The following FAS variants were observed in gnomAD, a reference collection of about 807,000 sequenced individuals.
FAS encodes tumor necrosis factor receptor superfamily member 6.
A neutral mutation model predicts 33.2 loss-of-function variants in FAS; 5 were observed. The ratio of observed to expected loss-of-function variants is 0.15; its 90% CI spans 0.08 to 0.32. The LOEUF (loss-of-function observed/expected upper bound fraction) is 0.32. Among genes scored for constraint, FAS ranks in the 10% least tolerant of loss-of-function variants. FAS has a pLI of 1.00. For synonymous variants in FAS, 131 were observed against 130.7 expected (o/e 1.00, Z -0.01); for missense variants, 339 against 386.0 (o/e 0.88, Z 1.02).
chr10:88,997,213 A>C (rs1271788502), intron 1 of FAS, among the ~76,000 whole-genome samples: 3 of 152,188 alleles, frequency 2.0e-5, no homozygotes, highest in African/African-American at 4.8e-5. Context: ...CCCCATTCTC[A>C]GAGATCCTGA....
chr10:88,986,261 C>T (rs1846879523), upstream of FAS, among the ~76,000 whole-genome samples: 1 of 152,076 alleles, frequency 6.6e-6, no homozygotes, highest in Admixed American at 6.6e-5. Flanking sequence ...TCTTAACACC[C>T]AGGGGGTAGG....
At chr10:88,978,426 AT>A (rs1162694275) in intron 2 of FAS, among the ~76,000 whole-genome samples, 3 of 152,164 alleles carry the variant, frequency 2.0e-5, no homozygotes, top group Admixed American at 2.0e-4. Flanking sequence ...AATAAATAAA[AT>A]TTAAGATAAG....
In FAS at chr10:88,964,133, T is replaced by C. The variant is rs115636989; in HGVS notation, n.95-9049T>C. ...GTTTCATATATTTACTTTAGTTTAA[T>C]ATATTTTAGTTTAGTTTCACATATT... On this transcript the variant is annotated intron_variant and non_coding_transcript_variant, in intron 1 of 3. Coordinates refer to the FAS transcript ENST00000688239. 7.0e-3 allele frequency among the ~76,000 whole-genome samples: 1,072 copies of C among 152,240 alleles called. 8 individuals carry two copies. Among genetic ancestry groups the C allele is most frequent in the Middle Eastern group, 0.024 (7 of 294 alleles).
chr10:89,000,972 G>C (rs138920603), intron 1 of FAS, among the ~76,000 whole-genome samples: 2 of 152,216 alleles, frequency 1.3e-5, no homozygotes, highest in Non-Finnish European at 2.9e-5. Context: ...CTTGAATGCC[G>C]GAGGCAGAGG....
intron 1 of FAS, among the ~76,000 whole-genome samples, chr10:89,000,098 T>C (rs1171391847): frequency 2.0e-5 from 3 of 152,210 alleles, no homozygotes; most frequent in Non-Finnish European, 4.4e-5. Flanking sequence ...TATTTAGTCC[T>C]AGAGGACCAA....
In FAS at chr10:89,007,697, C is replaced by T; in HGVS notation, c.197-3C>T. 6.2e-7 allele frequency: 1 copy of T among 1,613,434 alleles called. No homozygotes were observed. The highest frequency in any genetic ancestry group is 8.5e-7 in the Non-Finnish European group (1 of 1,179,736). Reference sequence around the variant, plus strand: ...AACACTTGCTCCTTTTTTCCTTGGGCAGGTGAAAGGAAAGCTAGGGACTGC... The same window carrying T: ...AACACTTGCTCCTTTTTTCCTTGGGTAGGTGAAAGGAAAGCTAGGGACTGC... On this transcript the variant is annotated splice_region_variant and splice_polypyrimidine_tract_variant and intron_variant, in intron 2 of 8. Coordinates refer to ENST00000652046, the MANE Select transcript of FAS (RefSeq NM_000043.6).
chr10:88,980,584 C>T (rs562142842), intron 2 of FAS, among the ~76,000 whole-genome samples: 1 of 152,134 alleles, frequency 6.6e-6, no homozygotes, highest in African/African-American at 2.4e-5. Context: ...TTCCCTGAGG[C>T]CTAACACAGT....
chr10:88,987,585 C>T (rs1846941021), upstream of FAS, among the ~76,000 whole-genome samples: 1 of 152,224 alleles, frequency 6.6e-6, no homozygotes. Flanking sequence ...ATTTCTACTT[C>T]AAATCCAATG....
At chr10:88,964,694 A>T (rs569717517) in intron 1 of FAS, among the ~76,000 whole-genome samples, 1 of 152,286 alleles carries the variant, frequency 6.6e-6, no homozygotes, top group East Asian at 1.9e-4. Flanking sequence ...AATAATCCTT[A>T]TGCCAGAGAG....
intron 4 of FAS, among the ~76,000 whole-genome samples, chr10:89,009,858 A>G (rs1384774886): frequency 6.6e-6 from 1 of 152,174 alleles, no homozygotes; most frequent in East Asian, 1.9e-4. Flanking sequence ...CATAATCTTG[A>G]TTTAATTTTC....
intron 1 of FAS, among the ~76,000 whole-genome samples, chr10:88,965,481 G>A (rs1054203517): frequency 5.9e-5 from 9 of 152,126 alleles, no homozygotes; most frequent in Admixed American, 2.6e-4. Context: ...CACATTTCAG[G>A]ATTATTATAA....
chr10:88,995,716 C>A (rs766392672), intron 1 of FAS, among the ~76,000 whole-genome samples: 3 of 152,104 alleles, frequency 2.0e-5, no homozygotes, highest in Non-Finnish European at 2.9e-5. Flanking sequence ...ATCTCAGCTA[C>A]TCGGGAGGTC....
At chr10:88,978,341 T>A (rs1371621227) in intron 2 of FAS, among the ~76,000 whole-genome samples, 2 of 151,152 alleles carry the variant, frequency 1.3e-5, no homozygotes, top group African/African-American at 4.9e-5. Flanking sequence ...ATGGCACATG[T>A]ATACATATGT....
chr10:88,989,785 G>A (rs9658675), upstream of FAS, among the ~76,000 whole-genome samples: 309 of 152,338 alleles, frequency 2.0e-3, 2 homozygotes, highest in African/African-American at 6.6e-3. Context: ...GTTGCAGAGT[G>A]AGGTGCAGAG....
chr10:88,978,457 C>T (rs998327741), intron 2 of FAS, among the ~76,000 whole-genome samples: 7 of 152,166 alleles, frequency 4.6e-5, no homozygotes, highest in Non-Finnish European at 1.0e-4. Flanking sequence ...GTCCTTTTCA[C>T]ATAAGTGGGT....
At chr10:89,001,957 C>T (rs999611462) in intron 1 of FAS, among the ~76,000 whole-genome samples, 2 of 152,164 alleles carry the variant, frequency 1.3e-5, no homozygotes, top group East Asian at 1.9e-4. Flanking sequence ...AGCTTCTTCC[C>T]AAGCTTCAGG....
At chr10:88,977,303 C>T (rs1463680453) in intron 2 of FAS, among the ~76,000 whole-genome samples, 1 of 151,474 alleles carries the variant, frequency 6.6e-6, no homozygotes, top group Non-Finnish European at 1.5e-5. Context: ...TTAGGTCTAA[C>T]ATTTAAGTCT....
chr10:88,997,268 T>C (rs1363439012), intron 1 of FAS, among the ~76,000 whole-genome samples: 1 of 152,208 alleles, frequency 6.6e-6, no homozygotes, highest in Non-Finnish European at 1.5e-5. Flanking sequence ...TATTAAATAA[T>C]GCATCACTAC....
In FAS at chr10:89,007,711, G is replaced by C; in HGVS notation, c.208G>C (p.Ala70Pro). The part of the protein sequence containing the change: ...HKPCPPGERK[A>P]RDCTVNGDEP... ...TTTTCCTTGGGCAGGTGAAAGGAAA[G>C]CTAGGGACTGCACAGTCAATGGGGA... The change falls in exon 3 of 9, where the codon GCT (alanine) becomes CCT (proline). Residue 70 changes from alanine to proline, a missense_variant. Ala to Pro is a conservative substitution (Grantham distance 27, BLOSUM62 -1). This residue lies in a region of FAS where 276 missense variants were observed against 300.1 expected (regional missense o/e 0.92). Coordinates refer to ENST00000652046, the MANE Select transcript of FAS (RefSeq NM_000043.6). 1 of 1,613,862 alleles carries C rather than the reference G, an allele frequency of 6.2e-7. No homozygotes were observed. Among genetic ancestry groups the C allele is most frequent in the Non-Finnish European group, 8.5e-7 (1 of 1,179,894 alleles).
Sources: gnomAD v4.1 joint callset for allele counts (sites outside exome capture counted in the v4.1 genomes callset) on GRCh38, gnomAD v4.1.1 for gene constraint, gnomAD v4.1.1 regional missense constraint, MANE v1.5 for transcripts, NCBI Gene and HGNC (gene_info 2026-07-23, HGNC 2026-07-21) for gene names.